The following F5 variants were observed in gnomAD, a reference collection of about 807,000 sequenced individuals.
The protein encoded by F5 is activated protein c cofactor.
In F5, 138 loss-of-function variants were observed where a neutral mutation model predicts 216.4. That is an observed-to-expected ratio of 0.64 (90% CI 0.56 to 0.73). The LOEUF (loss-of-function observed/expected upper bound fraction) is 0.73. Among genes scored for constraint, F5 ranks in the 30% least tolerant of loss-of-function variants. F5 has a pLI of 0.00. For synonymous variants in F5, 916 were observed against 930.7 expected, an observed-to-expected ratio of 0.98 and a Z score of 0.29; for missense variants, 2,403 against 2,674.0, an observed-to-expected ratio of 0.90 and a Z score of 2.24.
intron 15 of F5, 38 bp from the exon 16 acceptor site, chr1:169,529,856 G>A (rs1467172408): frequency 6.5e-7 from 1 of 1,549,452 alleles, no homozygotes; most frequent in Non-Finnish European, 8.9e-7. Context: ...CTCTTTCTCA[G>A]GAATTTCCTT....
At chr1:169,550,440 A>C (rs1660142399) in intron 9 of F5, among the ~76,000 whole-genome samples, 200 bp downstream of exon 9, 1 of 152,074 alleles carries the variant, frequency 6.6e-6, no homozygotes, top group African/African-American at 2.4e-5. Context: ...CTATGACACT[A>C]ATAAAAGACA....
intron 3 of F5, among the ~76,000 whole-genome samples, chr1:169,568,563 C>A (rs979010797): frequency 3.9e-5 from 6 of 152,108 alleles, no homozygotes; most frequent in Non-Finnish European, 7.4e-5. Flanking sequence ...AAGCTCTAAA[C>A]TGAAAAGAAG....
chr1:169,580,363 A>G (rs1041086769), intron 2 of F5, among the ~76,000 whole-genome samples: 2 of 150,956 alleles, frequency 1.3e-5, no homozygotes, highest in Non-Finnish European at 3.0e-5. Context: ...GGTTCTCAAT[A>G]TACTTTTTTG....
At chr1:169,549,656 G>T in intron 10 of F5, 145 bp downstream of exon 10, 3 of 621,322 alleles carry the variant, frequency 4.8e-6, no homozygotes, top group Non-Finnish European at 8.5e-6. Flanking sequence ...AAGAATAAAT[G>T]TTATCACACT....
chr1:169,582,094 C>T (rs1174687691), intron 2 of F5, among the ~76,000 whole-genome samples: 1 of 152,150 alleles, frequency 6.6e-6, no homozygotes, highest in Non-Finnish European at 1.5e-5. Context: ...AAAATTCAAA[C>T]ACTTATAAGT....
intron 6 of F5, among the ~76,000 whole-genome samples, chr1:169,555,548 AAGG>A (rs1300048389): frequency 6.6e-6 from 1 of 150,694 alleles, no homozygotes; most frequent in Admixed American, 6.6e-5. Flanking sequence ...AAAGGGGGAA[AAGG>A]AGGAGGGGTT....
Position 169,548,890 on chromosome 1 carries a change from C to A in F5, c.1611+911G>T, listed in dbSNP as rs200479468. On this transcript the variant is annotated intron_variant, in intron 10 of 24. Transcript: ENST00000367797. ...TCTCAAAAGAAAAAAAAAAAAAAAA[C>A]AAATCCCAAAAGAAAAATCTCATTT... 4.0e-3 allele frequency among the ~76,000 whole-genome samples: 556 copies of A among 140,734 alleles called. 5 individuals are homozygous for A. The highest frequency in any genetic ancestry group is 0.012 in the African/African-American group (468 of 38,742). 92.3% of individuals were successfully genotyped at this position (140,734 alleles called of 152,430 possible).
chr1:169,559,217 C>G lies in F5; in HGVS notation c.666G>C (p.Lys222Asn). Residue 222 changes from lysine (K) to asparagine (N), a missense_variant, in exon 5 of 25, where the codon AAG becomes AAC. Around this residue, in one of 4 missense-constraint regions of F5, gnomAD observed 1,425 missense variants for 1,554.8 expected, o/e 0.92. Transcript: ENST00000367797. ...VLLFAVFDES[K>N]SWSQSSSLMY... Reference sequence around the variant, plus strand: ...TTAGGGATGATGACTGGCTCCAGCTCTTGCTTTCATCAAACACAGCAAATA... The same window carrying G: ...TTAGGGATGATGACTGGCTCCAGCTGTTGCTTTCATCAAACACAGCAAATA... 6.2e-7 allele frequency: 1 copy of G among 1,613,846 alleles called. No homozygotes were observed. The highest frequency in any genetic ancestry group is 8.5e-7 in the Non-Finnish European group (1 of 1,179,806).
chr1:169,575,523 C>A (rs966213560), intron 2 of F5, among the ~76,000 whole-genome samples: 2 of 151,896 alleles, frequency 1.3e-5, no homozygotes, highest in Admixed American at 6.6e-5. Context: ...GGAGACTGAG[C>A]AGAGAACAAT....
intron 11 of F5, among the ~76,000 whole-genome samples, chr1:169,546,067 C>T (rs1571578532): frequency 6.6e-6 from 1 of 152,010 alleles, no homozygotes; most frequent in Non-Finnish European, 1.5e-5. Flanking sequence ...TCTTTCTGTC[C>T]TAGCCATATA....
At position 169,542,354 on chromosome 1, in the gene F5, G is replaced by A; in HGVS notation, c.2736C>T (p.Ser912=). Residue 912 remains serine, a synonymous_variant, in exon 13 of 25, where the codon AGC becomes AGT. Transcript: ENST00000367797. ...TTCTGGAAGGAGAACCAGTGTCTTG[G>A]CTAGGAAGGTCCTCCCAGGGCCTCA... ...SGMRPWEDLP[S]QDTGSPSRMR... The A allele has an allele frequency of 1.2e-6, 2 of 1,601,094 alleles. No homozygotes were observed. The highest frequency in any genetic ancestry group is 1.7e-6 in the Non-Finnish European group (2 of 1,169,940).
chr1:169,554,236 T>A (rs1017466525), intron 7 of F5, among the ~76,000 whole-genome samples: 2 of 152,230 alleles, frequency 1.3e-5, no homozygotes. Context: ...TACCTTTATG[T>A]CTTACAAATA....
rs1571598716 is a variant in F5 at position 169,572,261 on chromosome 1, G to T, written c.333C>A (p.Ser111Arg). ...TGTACCTAATTCCTTGAGGATGGATGCTCAAGGGCTTATCTGCCTTATTTT... is the reference window on the plus strand; with the variant it reads ...TGTACCTAATTCCTTGAGGATGGATTCTCAAGGGCTTATCTGCCTTATTTT... ...HFKNKADKPL[S>R]IHPQGIRYSK... Residue 111 changes from serine to arginine, a missense_variant, in exon 3 of 25, where the codon AGC becomes AGA. Physicochemically the swap from Ser to Arg is moderately radical, Grantham distance 110 (BLOSUM62 -1). Transcript: ENST00000367797. 3.7e-6 allele frequency: 6 copies of T among 1,612,772 alleles called. No individual in the cohort carries two copies. Among genetic ancestry groups the T allele is most frequent in the Middle Eastern group, 1.7e-4 (1 of 6,056 alleles).
At chr1:169,576,305 C>T (rs976356524) in intron 2 of F5, among the ~76,000 whole-genome samples, 3 of 152,226 alleles carry the variant, frequency 2.0e-5, no homozygotes, top group Admixed American at 1.3e-4. Context: ...CTACCCCTGT[C>T]TTGCCACCCA....
intron 3 of F5, among the ~76,000 whole-genome samples, chr1:169,568,071 C>T (rs1454402101): frequency 6.6e-6 from 1 of 152,088 alleles, no homozygotes; most frequent in Non-Finnish European, 1.5e-5. Context: ...ATTGTATATA[C>T]TTGTGTACAT....
rs1417159516 is a variant in F5, at chr1:169,513,744, G to A, written c.*569C>T. ...GTGCAGTCCTTAGGGAGACCAGGAC[G>A]GATTCACAATTTCAATGGGGCTACT... On this transcript the variant is annotated 3_prime_UTR_variant, in exon 25 of 25. Coordinates refer to ENST00000367797, the MANE Select transcript of F5 (RefSeq NM_000130.5). Among the ~76,000 whole-genome samples, 8 of 152,000 alleles carry A rather than the reference G, an allele frequency of 5.3e-5. No homozygotes were observed. Among genetic ancestry groups the A allele is most frequent in the African/African-American group, 1.4e-4 (6 of 41,404 alleles).
At chr1:169,564,944 C>A (rs922565429) in intron 3 of F5, among the ~76,000 whole-genome samples, 2 of 152,048 alleles carry the variant, frequency 1.3e-5, no homozygotes, top group African/African-American at 2.4e-5. Context: ...AAGTCCTTAA[C>A]GTGGACCACA....
Position 169,542,601 on chromosome 1 carries a change from G to A in F5, c.2489C>T (p.Pro830Leu), listed in dbSNP as rs763040898. The change falls in exon 13 of 25, where the codon CCA (proline) becomes CTA (leucine). Residue 830 changes from proline to leucine, a missense_variant. Coordinates refer to ENST00000367797, the MANE Select transcript of F5 (RefSeq NM_000130.5). ...ATCCTCTATAGGGTCTTCAGAATAT[G>A]GGCTGGAATGCTCTGCTGTGGAAGA... ...LNSSTAEHSS[P>L]YSEDPIEDPL... is the part of the protein sequence containing the mutation. 4 of 1,614,028 alleles carry A rather than the reference G, an allele frequency of 2.5e-6. No individual in the cohort carries two copies. The highest frequency in any genetic ancestry group is 3.4e-6 in the Non-Finnish European group (4 of 1,179,988).
At chr1:169,564,675 A>G (rs1041002118) in intron 3 of F5, among the ~76,000 whole-genome samples, 4 of 152,106 alleles carry the variant, frequency 2.6e-5, no homozygotes, top group African/African-American at 9.7e-5. Context: ...TTTACATTAC[A>G]GCAATGTCAG....
Sources: allele counts gnomAD v4.1 joint callset (sites outside exome capture counted in the v4.1 genomes callset), GRCh38; gene constraint gnomAD v4.1.1; regional missense constraint gnomAD v4.1.1; transcripts MANE v1.5; gene names NCBI Gene and HGNC (gene_info 2026-07-23, HGNC 2026-07-21).